The following FARS2 variants were observed in gnomAD, a reference collection of about 807,000 sequenced individuals.
The protein encoded by FARS2 is phenylalanyl-tRNA synthetase 2, mitochondrial, also known as phenylalanine--tRNA ligase, mitochondrial.
A neutral mutation model predicts 46.4 loss-of-function variants in FARS2; 40 were observed. The observed-to-expected ratio is 0.86, with a 90% CI of 0.67 to 1.12. FARS2 has a LOEUF of 1.12. FARS2 is among the 50% of genes most tolerant of loss of function. FARS2 has a pLI of 0.00. For missense variants in FARS2, 513 were observed against 567.9 expected, an observed-to-expected ratio of 0.90 and a Z score of 0.98; for synonymous variants, 234 against 214.9, an observed-to-expected ratio of 1.09 and a Z score of -0.78.
At chr6:5,268,207 A>C (rs1247031715) in intron 1 of FARS2, among the ~76,000 whole-genome samples, 7 of 151,314 alleles carry the variant, frequency 4.6e-5, no homozygotes, top group African/African-American at 1.5e-4. Flanking sequence ...TCTTTAGTTT[A>C]ATTAGATCCC....
chr6:5,601,805 C>T (rs992129147), intron 5 of FARS2, among the ~76,000 whole-genome samples: 6 of 152,242 alleles, frequency 3.9e-5, no homozygotes, highest in Admixed American at 1.3e-4. Flanking sequence ...ACCCCACAAA[C>T]GGTGACCATT....
chr6:5,303,833 C>T (rs886197323), intron 1 of FARS2, among the ~76,000 whole-genome samples: 2 of 151,976 alleles, frequency 1.3e-5, no homozygotes, highest in African/African-American at 4.8e-5. Context: ...AATTCTCTGC[C>T]TCGGGATGCT....
At chr6:5,269,869 T>G (rs1240066358) in intron 1 of FARS2, among the ~76,000 whole-genome samples, 1 of 152,240 alleles carries the variant, frequency 6.6e-6, no homozygotes, top group Non-Finnish European at 1.5e-5. Flanking sequence ...GGTATTATAG[T>G]GAATTACATG....
intron 4 of FARS2, among the ~76,000 whole-genome samples, chr6:5,469,901 C>T (rs1765715804): frequency 6.6e-6 from 1 of 152,082 alleles, no homozygotes; most frequent in African/African-American, 2.4e-5. Context: ...CATTTGTGTG[C>T]CCTTACACAA....
Position 5,456,594 on chromosome 6 carries a change from T to A in FARS2, c.904+25422T>A, listed in dbSNP as rs200203. Among the ~76,000 whole-genome samples the A allele has an allele frequency of 6.6e-5, 10 of 151,726 alleles. No homozygotes were observed. The East Asian group carries it at 1.2e-3, about 18-fold the overall frequency. ...TAAAAGCACAAAAAATTAACCAGGCTTGGTGGTGCGTGCCTGTAAGCTCAG... is the reference window on the plus strand; with the variant it reads ...TAAAAGCACAAAAAATTAACCAGGCATGGTGGTGCGTGCCTGTAAGCTCAG... On this transcript the variant is annotated intron_variant, in intron 4 of 6. Coordinates refer to ENST00000274680, the MANE Select transcript of FARS2 (RefSeq NM_006567.5).
At chr6:5,313,181 G>C (rs1769209919) in intron 1 of FARS2, among the ~76,000 whole-genome samples, 1 of 152,080 alleles carries the variant, frequency 6.6e-6, no homozygotes, top group African/African-American at 2.4e-5. Context: ...CTTATTAAAG[G>C]ATCATCTGAA....
chr6:5,572,339 G>A (rs59459234), intron 5 of FARS2, among the ~76,000 whole-genome samples: 6,497 of 151,972 alleles, frequency 0.043, 419 homozygotes, highest in African/African-American at 0.14. Context: ...ACTTTTAAAT[G>A]ACCAGATCTC....
chr6:5,668,440 G>T (rs1357550075), intron 6 of FARS2, among the ~76,000 whole-genome samples: 1 of 152,190 alleles, frequency 6.6e-6, no homozygotes, highest in Non-Finnish European at 1.5e-5. Flanking sequence ...ATACTGAAAT[G>T]GCTGGTCCCC....
intron 6 of FARS2, among the ~76,000 whole-genome samples, chr6:5,635,311 T>G (rs1179536632): frequency 1.3e-5 from 2 of 152,232 alleles, no homozygotes; most frequent in African/African-American, 4.8e-5. Context: ...TGTTTTATGT[T>G]TACTCTAGTT....
chr6:5,678,409 C>T (rs1174871091), intron 6 of FARS2, among the ~76,000 whole-genome samples: 1 of 152,160 alleles, frequency 6.6e-6, no homozygotes, highest in East Asian at 1.9e-4. Context: ...TGAGGAGACG[C>T]TTTGGCCTCC....
chr6:5,513,860 G>A (rs887967838), intron 4 of FARS2, among the ~76,000 whole-genome samples: 2 of 151,858 alleles, frequency 1.3e-5, no homozygotes, highest in Non-Finnish European at 2.9e-5. Context: ...AAGGCTTTCT[G>A]TACCATTACA....
intron 4 of FARS2, among the ~76,000 whole-genome samples, chr6:5,539,998 AGCCTAGACT>A (rs1770519855): frequency 6.6e-6 from 1 of 152,108 alleles, no homozygotes; most frequent in African/African-American, 2.4e-5. Flanking sequence ...ATTACAGTGG[AGCCTAGACT>A]GCCATCATCA....
intron 6 of FARS2, among the ~76,000 whole-genome samples, chr6:5,711,319 A>G (rs144551632): frequency 5.3e-5 from 8 of 152,290 alleles, no homozygotes; most frequent in African/African-American, 1.9e-4. Flanking sequence ...TGAATGAATG[A>G]AGAGAGAAAT....
intron 1 of FARS2, among the ~76,000 whole-genome samples, chr6:5,307,926 T>A (rs1768829905): frequency 6.6e-6 from 1 of 152,098 alleles, no homozygotes; most frequent in African/African-American, 2.4e-5. Context: ...GAGGTCAGGA[T>A]CTCTCAACAC....
At chr6:5,769,991 C>T (rs1345481685) in intron 6 of FARS2, among the ~76,000 whole-genome samples, 2 of 152,058 alleles carry the variant, frequency 1.3e-5, no homozygotes, top group Non-Finnish European at 2.9e-5. Context: ...GAGGCCAGGA[C>T]CAAGGCAGAC....
intron 1 of FARS2, among the ~76,000 whole-genome samples, chr6:5,324,443 C>CTTTTTTT (rs745311767): frequency 4.1e-4 from 36 of 88,152 alleles, no homozygotes; most frequent in South Asian, 7.5e-4. Context: ...AGACTATTTG[C>CTTTTTTT]TTTTTTTTTT....
intron 5 of FARS2, among the ~76,000 whole-genome samples, chr6:5,552,351 G>A (rs1400768532): frequency 6.6e-6 from 1 of 152,182 alleles, no homozygotes; most frequent in African/African-American, 2.4e-5. Flanking sequence ...CTATGAACTT[G>A]TGGATCCCCT....
rs529771756 is a variant in FARS2, at chr6:5,667,276, T to G, written c.1217+53956T>G. On this transcript the variant is annotated intron_variant, in intron 6 of 6. Coordinates refer to ENST00000274680, the MANE Select transcript of FARS2 (RefSeq NM_006567.5). ...GGCTCACGCCTGTAATCCCAGCCCT[T>G]TGGGGGGCCAAGGTGGGCAGATCAC... 2.2e-3 allele frequency among the ~76,000 whole-genome samples: 341 copies of G among 152,256 alleles called. 1 individual carries two copies. Among genetic ancestry groups the G allele is most frequent in the African/African-American group, 7.9e-3 (327 of 41,540 alleles).
rs113560517 is a variant in FARS2 at position 5,603,443 on chromosome 6, G to A, written c.1066-9726G>A. Among the ~76,000 whole-genome samples the A allele has an allele frequency of 8.3e-3, 1,268 of 152,286 alleles. 6 individuals carry two copies. Among genetic ancestry groups the A allele is most frequent in the South Asian group, 0.015 (70 of 4,812 alleles). ...GGCGGGTATGTTAGTTTAGTAGGGC[G>A]GTCATAAACAGGTACCACAGCCAGC... On this transcript the variant is annotated intron_variant, in intron 5 of 6. Transcript: ENST00000274680.
Sources: allele counts gnomAD v4.1 joint callset (sites outside exome capture counted in the v4.1 genomes callset), GRCh38; gene constraint gnomAD v4.1.1; transcripts MANE v1.5; gene names NCBI Gene and HGNC (gene_info 2026-07-23, HGNC 2026-07-21).